DIP2C: variants seen among roughly 807,000 people sequenced by gnomAD.
The protein encoded by DIP2C is disco-interacting protein 2 homolog C.
Under a neutral mutation model 192.4 loss-of-function variants are expected in DIP2C, and 33 were observed. That is an observed-to-expected ratio of 0.17 (90% CI 0.13 to 0.23). The LOEUF is 0.23. Ranked by LOEUF, DIP2C falls within the 10% of genes least tolerant of loss-of-function variation. The pLI is 1.00. For synonymous variants in DIP2C, 979 were observed against 864.1 expected (o/e 1.13, Z -2.33); for missense variants, 1,537 against 2,110.1 (o/e 0.73, Z 5.32).
intron 1 of DIP2C, among the ~76,000 whole-genome samples, chr10:505,833 C>T (rs1305978455): frequency 1.3e-5 from 2 of 151,336 alleles, no homozygotes; most frequent in Non-Finnish European, 3.0e-5. Flanking sequence ...CCTGCCCAGC[C>T]ATATTTCCTC....
chr10:565,142 A>C lies in DIP2C; in HGVS notation c.86-78612T>G, dbSNP rs573911402. On this transcript the variant is annotated intron_variant, in intron 1 of 36. Transcript: ENST00000280886. ...TTTCCATGGAGCCTGGACCACCCCT[A>C]GTCAGTATCAGGGCCTCGAGTGAGC... Among the ~76,000 whole-genome samples, 423 of 152,256 alleles carry C rather than the reference A, an allele frequency of 2.8e-3. 2 individuals carry two copies. Among genetic ancestry groups the C allele is most frequent in the African/African-American group, 9.5e-3 (396 of 41,530 alleles).
In DIP2C at chr10:417,936, TTCG is replaced by T. The variant is rs1564686169; in HGVS notation, c.739+1126_739+1128del. On this transcript the variant is annotated intron_variant, in intron 6 of 36. Transcript: ENST00000280886. ...CCTGTCCACCTGTTCCTGTCAGGGC[TTCG>T]ATAGGCCTCCCTGTCCACCTGCACC... Among the ~76,000 whole-genome samples, 12 of 97,732 alleles carry T rather than the reference TTCG, an allele frequency of 1.2e-4. 3 individuals carry two copies. Among genetic ancestry groups the T allele is most frequent in the African/African-American group, 5.2e-4 (12 of 23,198 alleles). 64.1% of individuals were successfully genotyped at this position (97,732 alleles called of 152,430 possible).
intron 32 of DIP2C, among the ~76,000 whole-genome samples, chr10:296,566 C>T (rs1955763003): frequency 6.6e-6 from 1 of 152,084 alleles, no homozygotes; most frequent in Non-Finnish European, 1.5e-5. Context: ...ATAAATCATG[C>T]TGCTATAAAG....
At chr10:459,146 T>C (rs377087569) in intron 3 of DIP2C, among the ~76,000 whole-genome samples, 1 of 152,248 alleles carries the variant, frequency 6.6e-6, no homozygotes, top group South Asian at 2.1e-4. Flanking sequence ...ATCAAAACTT[T>C]TTAAAAAACA....
rs746544858 is a variant in DIP2C, at chr10:390,014, G to A, written c.1574C>T (p.Thr525Met). Reference protein sequence around the residue: ...TALLTHCQALTQACGYTEAET... With the variant: ...TALLTHCQALMQACGYTEAET... Reference sequence around the variant, plus strand: ...ACCTTCCGTGTAGCCACACGCCTGCGTCAGGGCCTGGCAGTGTGTCAGCAG... The same window carrying A: ...ACCTTCCGTGTAGCCACACGCCTGCATCAGGGCCTGGCAGTGTGTCAGCAG... The change falls in exon 13 of 37, where the codon ACG becomes ATG. Residue 525 changes from threonine to methionine, a missense_variant. Around this residue, in one of 4 missense-constraint regions of DIP2C, gnomAD observed 677 missense variants for 989.9 expected, o/e 0.68. Coordinates refer to ENST00000280886, the MANE Select transcript of DIP2C (RefSeq NM_014974.3). 59 of 1,613,872 alleles carry A rather than the reference G, an allele frequency of 3.7e-5. 1 individual carries two copies. The highest frequency in any genetic ancestry group is 6.6e-5 in the South Asian group (6 of 91,046).
chr10:381,930 G>A (rs550654518), intron 17 of DIP2C, among the ~76,000 whole-genome samples: 4 of 152,220 alleles, frequency 2.6e-5, no homozygotes, highest in South Asian at 2.1e-4. Flanking sequence ...GTTGACAGCC[G>A]ACACAACTTC....
At chr10:575,335 A>G (rs1001509145) in intron 1 of DIP2C, among the ~76,000 whole-genome samples, 19 of 152,224 alleles carry the variant, frequency 1.2e-4, no homozygotes, top group Admixed American at 9.8e-4. Flanking sequence ...GATCATATAC[A>G]TTAACTGAAG....
intron 1 of DIP2C, among the ~76,000 whole-genome samples, chr10:643,317 T>C (rs1316346304): frequency 6.6e-6 from 1 of 151,098 alleles, no homozygotes; most frequent in Non-Finnish European, 1.5e-5. Context: ...ATCGAGACCA[T>C]CCTGGCTAAC....
At chr10:477,930 G>A (rs1240032507) in intron 2 of DIP2C, among the ~76,000 whole-genome samples, 6 of 107,842 alleles carry the variant, frequency 5.6e-5, no homozygotes, top group African/African-American at 1.2e-4. Flanking sequence ...GAAAAGAGAG[G>A]GAAAGAAGGA....
chr10:341,364 C>G, intron 28 of DIP2C, 35 bp from the exon 29 acceptor site: 1 of 1,611,936 alleles, frequency 6.2e-7, no homozygotes, highest in Non-Finnish European at 8.5e-7. Context: ...ACGCATCGGA[C>G]CTGACACCCT....
intron 1 of DIP2C, among the ~76,000 whole-genome samples, chr10:626,128 G>A (rs1354115569): frequency 2.0e-5 from 3 of 152,192 alleles, no homozygotes; most frequent in South Asian, 2.1e-4. Context: ...CAAAAGAAAC[G>A]CTAACGAGGG....
chr10:311,027 A>C (rs1369992394), intron 31 of DIP2C, among the ~76,000 whole-genome samples: 1 of 151,400 alleles, frequency 6.6e-6, no homozygotes, highest in African/African-American at 2.4e-5. Context: ...ATATATAAGA[A>C]AAAAAAAAGA....
intron 1 of DIP2C, among the ~76,000 whole-genome samples, chr10:502,617 G>A (rs1588316953): frequency 6.6e-6 from 1 of 152,204 alleles, no homozygotes; most frequent in East Asian, 1.9e-4. Context: ...ACAAAAGTCA[G>A]TCCTAGATCC....
intron 32 of DIP2C, among the ~76,000 whole-genome samples, chr10:305,151 C>T (rs891567153): frequency 1.3e-5 from 2 of 152,214 alleles, no homozygotes; most frequent in Admixed American, 1.3e-4. Flanking sequence ...ACACAACACA[C>T]TTGCACAAAC....
chr10:548,063 G>T (rs1848381158), intron 1 of DIP2C, among the ~76,000 whole-genome samples: 1 of 152,214 alleles, frequency 6.6e-6, no homozygotes. Context: ...GGAGGTGCTT[G>T]TGTTGCCTCA....
chr10:483,524 G>A (rs1256803201), intron 2 of DIP2C, among the ~76,000 whole-genome samples: 1 of 152,242 alleles, frequency 6.6e-6, no homozygotes, highest in Non-Finnish European at 1.5e-5. Context: ...CCCATCCTGA[G>A]TCTGGTGTCT....
intron 1 of DIP2C, among the ~76,000 whole-genome samples, chr10:523,187 C>T (rs939077171): frequency 4.5e-5 from 6 of 133,296 alleles, no homozygotes; most frequent in Non-Finnish European, 7.9e-5. Context: ...GGACTCTGAC[C>T]CACAAGCTCG....
intron 1 of DIP2C, among the ~76,000 whole-genome samples, chr10:659,884 T>C (rs373689326): frequency 2.2e-4 from 34 of 152,334 alleles, no homozygotes; most frequent in African/African-American, 7.9e-4. Flanking sequence ...TTCCCAGGCC[T>C]TTTTACTACC....
rs577587855 is a variant in DIP2C, at chr10:544,653, G to A, written c.86-58123C>T. Among the ~76,000 whole-genome samples the A allele has an allele frequency of 2.8e-4, 42 of 152,150 alleles. 1 individual carries two copies. In the Middle Eastern group the frequency reaches 0.01, roughly 37 times the overall value. On this transcript the variant is annotated intron_variant, in intron 1 of 36. Transcript: ENST00000280886. Reference sequence around the variant, plus strand: ...CAGTGGTTGTGAAGTGGTATCTCACGGTGGTTTTCATTTTCATTTCTAAGA... The same window carrying A: ...CAGTGGTTGTGAAGTGGTATCTCACAGTGGTTTTCATTTTCATTTCTAAGA...
Sources: allele counts gnomAD v4.1 joint callset (sites outside exome capture counted in the v4.1 genomes callset), GRCh38; gene constraint gnomAD v4.1.1; regional missense constraint gnomAD v4.1.1; transcripts MANE v1.5; gene names NCBI Gene and HGNC (gene_info 2026-07-23, HGNC 2026-07-21).